R3HCC1L: variants seen among roughly 807,000 people sequenced by gnomAD.
R3HCC1L encodes the protein R3H domain and coiled-coil containing 1 like.
Under a neutral mutation model 59.9 loss-of-function variants are expected in R3HCC1L, and 51 were observed. The observed-to-expected ratio is 0.85, with a 90% CI of 0.68 to 1.07. The LOEUF is 1.07. Among genes scored for constraint, R3HCC1L ranks in the 50% least tolerant of loss-of-function variants. The probability of loss-of-function intolerance (pLI) is 0.00; values close to 1 mark genes in which losing one functional copy is unlikely to be tolerated. For synonymous variants in R3HCC1L, 322 were observed against 315.2 expected, an observed-to-expected ratio of 1.02 and a Z score of -0.23; for missense variants, 965 against 933.0, an observed-to-expected ratio of 1.03 and a Z score of -0.45.
chr10:98,182,342 C>T (rs372981011), intron 4 of R3HCC1L, among the ~76,000 whole-genome samples: 29 of 152,330 alleles, frequency 1.9e-4, no homozygotes, highest in East Asian at 1.2e-3. Context: ...GTATCACCAT[C>T]GGAGGCTGCA....
At chr10:98,192,700 T>C (rs1850995380) in intron 4 of R3HCC1L, among the ~76,000 whole-genome samples, 1 of 152,144 alleles carries the variant, frequency 6.6e-6, no homozygotes, top group South Asian at 2.1e-4. Flanking sequence ...ATTGGGGAAT[T>C]CTACCAAACA....
At chr10:98,182,933 G>A (rs1233174194) in intron 4 of R3HCC1L, among the ~76,000 whole-genome samples, 8 of 152,184 alleles carry the variant, frequency 5.3e-5, no homozygotes, top group Non-Finnish European at 1.2e-4. Flanking sequence ...GATTCTCCTT[G>A]TATAGTCTGT....
chr10:98,167,391 A>G (rs548913058), intron 4 of R3HCC1L, among the ~76,000 whole-genome samples: 22 of 152,328 alleles, frequency 1.4e-4, no homozygotes, highest in African/African-American at 4.6e-4. Flanking sequence ...CACATTTCAC[A>G]CCTGCTGGTA....
chr10:98,183,496 A>G (rs1410057906), intron 4 of R3HCC1L, among the ~76,000 whole-genome samples: 1 of 150,012 alleles, frequency 6.7e-6, no homozygotes, highest in Admixed American at 6.6e-5. Context: ...AGCTTTTTGG[A>G]TTCTTTTGTA....
intron 5 of R3HCC1L, among the ~76,000 whole-genome samples, chr10:98,215,432 A>G (rs1483961512): frequency 1.3e-5 from 2 of 152,166 alleles, no homozygotes; most frequent in Non-Finnish European, 2.9e-5. Context: ...TCATCTTCAT[A>G]CATAAAAAAT....
intron 9 of R3HCC1L, 47 bp downstream of exon 9, chr10:98,236,211 T>G (rs757067995): frequency 6.3e-7 from 1 of 1,589,068 alleles, no homozygotes; most frequent in South Asian, 1.2e-5. Context: ...CAGAACTCAC[T>G]GTAAGGCATG....
At chr10:98,242,859 GACAA>G (rs1166889453) in intron 9 of R3HCC1L, among the ~76,000 whole-genome samples, 1 of 152,194 alleles carries the variant, frequency 6.6e-6, no homozygotes, top group African/African-American at 2.4e-5. Context: ...GAATCCATTA[GACAA>G]ACCAGTTATC....
At chr10:98,176,617 G>T (rs999335168) in intron 4 of R3HCC1L, among the ~76,000 whole-genome samples, 1 of 152,066 alleles carries the variant, frequency 6.6e-6, no homozygotes, top group East Asian at 1.9e-4. Context: ...GATTCTATGG[G>T]ATTTCTATGC....
intron 1 of R3HCC1L, among the ~76,000 whole-genome samples, chr10:98,152,569 C>A (rs1184561271): frequency 7.7e-6 from 1 of 130,268 alleles, no homozygotes; most frequent in Admixed American, 8.2e-5. Context: ...GGCCGCCATC[C>A]CGTCTAGGAA....
At chr10:98,165,951 C>T (rs1847903293) in intron 4 of R3HCC1L, among the ~76,000 whole-genome samples, 2 of 152,196 alleles carry the variant, frequency 1.3e-5, no homozygotes, top group African/African-American at 4.8e-5. Flanking sequence ...GCGGGTGGCT[C>T]ACCTGAGGTC....
chr10:98,170,007 A>G (rs868831018), intron 4 of R3HCC1L, among the ~76,000 whole-genome samples: 1 of 151,658 alleles, frequency 6.6e-6, no homozygotes, highest in Non-Finnish European at 1.5e-5. Context: ...TTTTGGGGGA[A>G]TGGGATGGAA....
intron 5 of R3HCC1L, among the ~76,000 whole-genome samples, chr10:98,223,859 T>A (rs1371353143): frequency 6.6e-6 from 1 of 152,084 alleles, no homozygotes; most frequent in Non-Finnish European, 1.5e-5. Flanking sequence ...GCATTTTACT[T>A]GGGTGTCAGC....
intron 5 of R3HCC1L, among the ~76,000 whole-genome samples, chr10:98,218,412 A>G (rs1044902778): frequency 3.3e-5 from 5 of 152,238 alleles, no homozygotes; most frequent in Middle Eastern, 3.4e-3. Flanking sequence ...GGATGATTCA[A>G]CGTATGCAAG....
At chr10:98,234,252 G>C (rs1856680448) in intron 6 of R3HCC1L, among the ~76,000 whole-genome samples, 194 bp from the exon 7 acceptor site, 1 of 152,182 alleles carries the variant, frequency 6.6e-6, no homozygotes, top group Admixed American at 6.5e-5. Context: ...ACTTGTTTAT[G>C]ATGGTATTAT....
intron 9 of R3HCC1L, among the ~76,000 whole-genome samples, chr10:98,242,161 A>G (rs1220331856): frequency 6.6e-6 from 1 of 152,164 alleles, no homozygotes; most frequent in African/African-American, 2.4e-5. Flanking sequence ...TCTGGCTAGC[A>G]TGGCGAAACT....
intron 1 of R3HCC1L, among the ~76,000 whole-genome samples, chr10:98,136,017 GTTT>G (rs780749151): frequency 1.5e-5 from 2 of 135,052 alleles, no homozygotes; most frequent in Non-Finnish European, 1.6e-5. Flanking sequence ...TCTGCAATCA[GTTT>G]TTTTTTTTTT....
chr10:98,200,089 T>C (rs1025606159), intron 4 of R3HCC1L, among the ~76,000 whole-genome samples: 1 of 152,124 alleles, frequency 6.6e-6, no homozygotes, highest in African/African-American at 2.4e-5. Flanking sequence ...TGAATTGTTC[T>C]ATCTTTAGTT....
At chr10:98,196,001 GATTTTGAATATGTGACATTT>G (rs1851389628) in intron 4 of R3HCC1L, among the ~76,000 whole-genome samples, 1 of 152,178 alleles carries the variant, frequency 6.6e-6, no homozygotes, top group African/African-American at 2.4e-5. Context: ...TTTTAAGGAA[GATTTTGAATATGTGACATTT>G]ATTTATGTAT....
At chr10:98,203,448 T>A (rs1262283037) in intron 4 of R3HCC1L, among the ~76,000 whole-genome samples, 1 of 152,248 alleles carries the variant, frequency 6.6e-6, no homozygotes, top group Admixed American at 6.5e-5. Context: ...ATAGTTTAGC[T>A]ATGGTGCATT....
Sources: allele counts gnomAD v4.1 joint callset (sites outside exome capture counted in the v4.1 genomes callset), GRCh38; gene constraint gnomAD v4.1.1; transcripts MANE v1.5; gene names NCBI Gene and HGNC (gene_info 2026-07-23, HGNC 2026-07-21).